DYM: variants seen among roughly 807,000 people sequenced by gnomAD.
The protein encoded by DYM is dyggve-Melchior-Clausen syndrome protein.
Under a neutral mutation model 93.1 loss-of-function variants are expected in DYM, and 78 were observed. That is an observed-to-expected ratio of 0.84 (90% CI 0.70 to 1.01). The LOEUF is 1.01. DYM is among the 50% of genes least tolerant of loss of function. DYM has a pLI of 0.00. For synonymous variants in DYM, 321 were observed against 319.7 expected (o/e 1.00, Z -0.04); for missense variants, 789 against 845.0 (o/e 0.93, Z 0.82).
chr18:49,356,963 C>A (rs1443397621), intron 6 of DYM, among the ~76,000 whole-genome samples: 1 of 152,012 alleles, frequency 6.6e-6, no homozygotes, highest in Non-Finnish European at 1.5e-5. Flanking sequence ...AAACAGAGAA[C>A]CCTAAAAATA....
rs757200158 is a variant in DYM at position 49,258,394 on chromosome 18, T to C, written c.1351A>G (p.Met451Val). The C allele has an allele frequency of 2.5e-6, 4 of 1,605,484 alleles. 1 individual carries two copies. Among genetic ancestry groups the C allele is most frequent in the Admixed American group, 3.3e-5 (2 of 60,004 alleles). The change falls in exon 12 of 18, where the codon ATG (methionine) becomes GTG (valine). Residue 451 changes from methionine to valine, a missense_variant. Met to Val is a conservative substitution (Grantham distance 21). This residue lies in a region of DYM where 225 missense variants were observed against 303.0 expected (regional missense o/e 0.74). Transcript: ENST00000675505. ...LVVIRTIQYN[M>V]TRTRDKYLHT... ...GGAATACTTACTCGTGTCCTAGTCA[T>C]GTTGTATTGAATGGTTCTTATTACC... is the stretch of plus-strand genomic sequence containing the variant.
chr18:49,389,205 G>T (rs1327191822), intron 3 of DYM, among the ~76,000 whole-genome samples: 1 of 152,142 alleles, frequency 6.6e-6, no homozygotes, highest in Non-Finnish European at 1.5e-5. Flanking sequence ...GGAATTTGGG[G>T]CAATAAATGT....
intron 5 of DYM, among the ~76,000 whole-genome samples, chr18:49,366,089 A>C (rs1599706108): frequency 6.6e-6 from 1 of 152,244 alleles, no homozygotes; most frequent in African/African-American, 2.4e-5. Flanking sequence ...ACTAAAAAAA[A>C]AATTCCTCAG....
In DYM at chr18:49,176,399, A is replaced by C. The variant is rs529074972; in HGVS notation, c.1626-12612T>G. On this transcript the variant is annotated intron_variant, in intron 14 of 17. Transcript: ENST00000675505. ...CAAATTTCATTTGTGTTTTTAACATAAGCACATTTTTTTTCAATTTTTTTT... is the reference window on the plus strand; with the variant it reads ...CAAATTTCATTTGTGTTTTTAACATCAGCACATTTTTTTTCAATTTTTTTT... Among the ~76,000 whole-genome samples, 67 of 152,122 alleles carry C rather than the reference A, an allele frequency of 4.4e-4. 1 individual carries two copies. The East Asian group carries it at 0.012, about 28-fold the overall frequency.
At chr18:49,386,970 G>T (rs2068690841) in intron 3 of DYM, among the ~76,000 whole-genome samples, 1 of 147,352 alleles carries the variant, frequency 6.8e-6, no homozygotes, top group Middle Eastern at 3.3e-3. Flanking sequence ...TTGAAACAGA[G>T]TCTCACTCTG....
chr18:49,123,364 G>A (rs541811459), intron 15 of DYM, among the ~76,000 whole-genome samples: 3 of 152,120 alleles, frequency 2.0e-5, no homozygotes, highest in Non-Finnish European at 2.9e-5. Flanking sequence ...AGTACTGGCC[G>A]GGTTTATCAC....
At chr18:49,073,443 T>G (rs2077050192) in intron 17 of DYM, among the ~76,000 whole-genome samples, 1 of 150,180 alleles carries the variant, frequency 6.7e-6, no homozygotes, top group Admixed American at 6.6e-5. Flanking sequence ...CAATACCACC[T>G]CCCCCCACCC....
intron 11 of DYM, among the ~76,000 whole-genome samples, chr18:49,265,334 A>G (rs2094552543): frequency 6.6e-6 from 1 of 152,158 alleles, no homozygotes; most frequent in Non-Finnish European, 1.5e-5. Context: ...TCTGATGAAA[A>G]TCCCCAAATC....
intron 17 of DYM, among the ~76,000 whole-genome samples, chr18:49,092,052 G>C (rs2079093768): frequency 6.6e-6 from 1 of 152,190 alleles, no homozygotes; most frequent in Non-Finnish European, 1.5e-5. Context: ...ATGATGGTAA[G>C]TACTGTTTTA....
At chr18:49,365,741 T>C (rs1483747737) in intron 5 of DYM, among the ~76,000 whole-genome samples, 1 of 152,170 alleles carries the variant, frequency 6.6e-6, no homozygotes, top group Non-Finnish European at 1.5e-5. Context: ...GCACAGTTTT[T>C]TAATTACGGA....
chr18:49,097,644 GC>G, intron 16 of DYM, 129 bp from the exon 17 acceptor site: 1 of 848,894 alleles, frequency 1.2e-6, no homozygotes, highest in Non-Finnish European at 1.9e-6. Flanking sequence ...TAATTCACTA[GC>G]CCTCCTAAAC....
At chr18:49,319,139 T>C (rs1304495618) in intron 8 of DYM, among the ~76,000 whole-genome samples, 1 of 152,162 alleles carries the variant, frequency 6.6e-6, no homozygotes, top group Non-Finnish European at 1.5e-5. Flanking sequence ...TTTAGAAACA[T>C]TGTTGCAAAG....
At chr18:49,120,135 A>G (rs2082258742) in intron 15 of DYM, among the ~76,000 whole-genome samples, 1 of 151,824 alleles carries the variant, frequency 6.6e-6, no homozygotes, top group African/African-American at 2.4e-5. Flanking sequence ...AACCAGAGAT[A>G]TATCAAAATG....
intron 13 of DYM, among the ~76,000 whole-genome samples, chr18:49,250,770 T>C (rs1463873160): frequency 6.6e-6 from 1 of 152,226 alleles, no homozygotes; most frequent in Non-Finnish European, 1.5e-5. Flanking sequence ...CCTCAACTTT[T>C]TTCTAGTTCC....
intron 15 of DYM, among the ~76,000 whole-genome samples, chr18:49,124,032 G>A (rs1263729379): frequency 1.3e-5 from 2 of 152,152 alleles, no homozygotes; most frequent in Non-Finnish European, 2.9e-5. Context: ...AAAATTATCT[G>A]CAGATAGCTT....
At chr18:49,291,457 T>C (rs1457869319) in intron 8 of DYM, among the ~76,000 whole-genome samples, 1 of 152,210 alleles carries the variant, frequency 6.6e-6, no homozygotes, top group Non-Finnish European at 1.5e-5. Flanking sequence ...ATGGTTTTAC[T>C]ACTAACTTTT....
At chr18:49,143,809 C>G (rs144525123) in intron 15 of DYM, among the ~76,000 whole-genome samples, 1 of 152,226 alleles carries the variant, frequency 6.6e-6, no homozygotes, top group Non-Finnish European at 1.5e-5. Flanking sequence ...TAATGAACCT[C>G]CATGTACCTA....
chr18:49,169,307 T>C (rs2088338368), intron 14 of DYM, among the ~76,000 whole-genome samples: 1 of 152,166 alleles, frequency 6.6e-6, no homozygotes, highest in Non-Finnish European at 1.5e-5. Context: ...CACTGCTTCT[T>C]AAGAAACAAT....
At chr18:49,226,994 GA>G (rs1418898519) in intron 13 of DYM, among the ~76,000 whole-genome samples, 1 of 152,124 alleles carries the variant, frequency 6.6e-6, no homozygotes. Flanking sequence ...GGACATGAAT[GA>G]TGACTATATG....
Sources: allele counts gnomAD v4.1 joint callset (sites outside exome capture counted in the v4.1 genomes callset), GRCh38; gene constraint gnomAD v4.1.1; regional missense constraint gnomAD v4.1.1; transcripts MANE v1.5; gene names NCBI Gene and HGNC (gene_info 2026-07-23, HGNC 2026-07-21).